Variants in SNX9 observed in about 807,000 individuals in gnomAD.
SNX9 encodes the protein sorting nexin 9, also known as sorting nexin-9.
Under a neutral mutation model 89.4 loss-of-function variants are expected in SNX9, and 44 were observed. That is an observed-to-expected ratio of 0.49 (90% CI 0.39 to 0.63). The LOEUF is 0.63. Ranked by LOEUF, SNX9 falls within the 30% of genes least tolerant of loss-of-function variation. The probability of loss-of-function intolerance (pLI) is 0.00; values close to 1 mark genes in which losing one functional copy is unlikely to be tolerated. For synonymous variants in SNX9, 236 were observed against 247.8 expected (o/e 0.95, Z 0.45); for missense variants, 578 against 736.1 (o/e 0.79, Z 2.49).
At chr6:157,852,437 C>T (rs1781932009) in intron 1 of SNX9, among the ~76,000 whole-genome samples, 1 of 152,182 alleles carries the variant, frequency 6.6e-6, no homozygotes, top group African/African-American at 2.4e-5. Flanking sequence ...CTCCCTTCCT[C>T]CTCTCGCTAC....
intron 1 of SNX9, among the ~76,000 whole-genome samples, chr6:157,841,200 T>A (rs1308780521): frequency 6.6e-6 from 1 of 152,228 alleles, no homozygotes; most frequent in African/African-American, 2.4e-5. Context: ...TCTTTCATGG[T>A]TCCATTAAGT....
At chr6:157,824,584 T>C (rs1450744105) in intron 1 of SNX9, among the ~76,000 whole-genome samples, 1 of 152,140 alleles carries the variant, frequency 6.6e-6, no homozygotes, top group African/African-American at 2.4e-5. Flanking sequence ...AAATGTGAAA[T>C]CTCTTTGAAA....
At chr6:157,941,067 T>C in intron 17 of SNX9, 93 bp downstream of exon 17, 1 of 1,139,138 alleles carries the variant, frequency 8.8e-7, no homozygotes, top group Non-Finnish European at 1.3e-6. Context: ...GTTTGTATTC[T>C]TTAATCCTAA....
intron 1 of SNX9, among the ~76,000 whole-genome samples, chr6:157,848,283 G>T (rs1190429726): frequency 1.3e-5 from 2 of 152,082 alleles, no homozygotes; most frequent in African/African-American, 4.8e-5. Context: ...CTAGTCATTG[G>T]CTTTACCCAC....
chr6:157,929,492 G>T (rs1783765256), intron 12 of SNX9, among the ~76,000 whole-genome samples: 1 of 152,008 alleles, frequency 6.6e-6, no homozygotes. Flanking sequence ...CTTTATATCT[G>T]GTCTGCCCTT....
intron 1 of SNX9, among the ~76,000 whole-genome samples, chr6:157,830,930 C>A (rs1344683200): frequency 6.6e-6 from 1 of 152,158 alleles, no homozygotes; most frequent in Non-Finnish European, 1.5e-5. Flanking sequence ...TTTGTTCTTA[C>A]CTTCTGTTCA....
chr6:157,883,225 A>AT (rs1315217798), intron 4 of SNX9, among the ~76,000 whole-genome samples: 2 of 152,108 alleles, frequency 1.3e-5, no homozygotes, highest in African/African-American at 4.8e-5. Context: ...TAAGATATGT[A>AT]TTTTTTATAC....
rs1193398698 is a variant in SNX9 at position 157,826,837 on chromosome 6, T to TA, written c.12+3392dup. Among the ~76,000 whole-genome samples the TA allele has an allele frequency of 7.0e-4, 61 of 86,786 alleles. 10 individuals are homozygous for TA. The highest frequency in any genetic ancestry group is 3.7e-3 in the African/African-American group (60 of 16,028). The allele number at this position is 86,786 out of a possible 152,430, so 56.9% of individuals were successfully genotyped here. A position where few individuals can be genotyped will look rare whatever the true frequency, so the allele number is the denominator to read the frequency against. ...ATAAATATATATTATATTTTATATA[T>TA]ATATTATATTTTATATATAAATATA... On this transcript the variant is annotated intron_variant, in intron 1 of 17. Transcript: ENST00000392185.
At chr6:157,908,939 G>A (rs1378873316) in intron 7 of SNX9, among the ~76,000 whole-genome samples, 1 of 152,218 alleles carries the variant, frequency 6.6e-6, no homozygotes, top group African/African-American at 2.4e-5. Context: ...TTGCCCAGGT[G>A]GACGTGATAC....
rs573436672 is a variant in SNX9 at position 157,833,178 on chromosome 6, G to T, written c.12+9732G>T. Among the ~76,000 whole-genome samples, 18 of 152,244 alleles carry T rather than the reference G, an allele frequency of 1.2e-4. 1 individual carries two copies. The South Asian group carries it at 3.7e-3, about 32-fold the overall frequency. ...GAAAATTTAGACGTATGTATAAATA[G>T]TTGCCTATTGCATAGTGGCTGCACA... On this transcript the variant is annotated intron_variant, in intron 1 of 17. Transcript: ENST00000392185.
Position 157,944,218 on chromosome 6 carries a change from AC to A in SNX9, c.*1381del, listed in dbSNP as rs1784098100. 1 of 152,526 alleles carries A rather than the reference AC, an allele frequency of 6.6e-6. No individual in the cohort carries two copies. The highest frequency in any genetic ancestry group is 1.5e-5 in the Non-Finnish European group (1 of 68,038). 9.4% of individuals were successfully genotyped at this position (152,526 alleles called of 1,614,324 possible). On this transcript the variant is annotated 3_prime_UTR_variant, in exon 18 of 18. Transcript: ENST00000392185. Reference sequence around the variant, plus strand: ...CTTTCATTTTTCTGACCTAATAATTACGGGAAATGGAAAGTCTGGGCCAGCA... The same window carrying A: ...CTTTCATTTTTCTGACCTAATAATTAGGGAAATGGAAAGTCTGGGCCAGCA...
At chr6:157,883,130 C>A (rs547756797) in intron 4 of SNX9, among the ~76,000 whole-genome samples, 2 of 152,146 alleles carry the variant, frequency 1.3e-5, no homozygotes, top group African/African-American at 4.8e-5. Context: ...AAGACCCCCC[C>A]GCCACCCCAG....
At chr6:157,855,992 A>G (rs1583201547) in intron 1 of SNX9, among the ~76,000 whole-genome samples, 1 of 151,684 alleles carries the variant, frequency 6.6e-6, no homozygotes, top group African/African-American at 2.4e-5. Flanking sequence ...CAGATGATCC[A>G]CCCGCCTCGG....
chr6:157,889,587 CTGT>C (rs1782813687), intron 4 of SNX9, among the ~76,000 whole-genome samples: 1 of 152,152 alleles, frequency 6.6e-6, no homozygotes, highest in Admixed American at 6.5e-5. Flanking sequence ...TTAGGAGTTG[CTGT>C]TGTTGACCTT....
At chr6:157,840,871 G>T (rs559490610) in intron 1 of SNX9, among the ~76,000 whole-genome samples, 1 of 152,032 alleles carries the variant, frequency 6.6e-6, no homozygotes, top group Non-Finnish European at 1.5e-5. Context: ...GAATACAAAC[G>T]GCTCATCAGA....
chr6:157,936,188 G>T, intron 14 of SNX9, 148 bp downstream of exon 14: 1 of 607,290 alleles, frequency 1.6e-6, no homozygotes, highest in Admixed American at 3.5e-5. Context: ...GTTTAATCAT[G>T]GTTTCTTAGG....
chr6:157,825,464 A>T (rs1419155474), intron 1 of SNX9, among the ~76,000 whole-genome samples: 1 of 152,190 alleles, frequency 6.6e-6, no homozygotes, highest in African/African-American at 2.4e-5. Flanking sequence ...TTTCCAAAAA[A>T]TCGAAAAGTG....
intron 4 of SNX9, among the ~76,000 whole-genome samples, chr6:157,882,166 C>T (rs1782640719): frequency 6.6e-6 from 1 of 152,108 alleles, no homozygotes; most frequent in Admixed American, 6.6e-5. Context: ...CCTAAGGGTC[C>T]TTAGAATTAT....
At chr6:157,941,919 G>A (rs549326855) in intron 17 of SNX9, among the ~76,000 whole-genome samples, 43 of 152,284 alleles carry the variant, frequency 2.8e-4, no homozygotes, top group African/African-American at 9.1e-4. Context: ...CACTTTTCCC[G>A]TCAGTTGGTG....
Sources: allele counts gnomAD v4.1 joint callset (sites outside exome capture counted in the v4.1 genomes callset), GRCh38; gene constraint gnomAD v4.1.1; transcripts MANE v1.5; gene names NCBI Gene and HGNC (gene_info 2026-07-23, HGNC 2026-07-21).